MACC1: variants seen among roughly 807,000 people sequenced by gnomAD.
MACC1 encodes the protein metastasis-associated in colon cancer protein 1.
Under a neutral mutation model 70.7 loss-of-function variants are expected in MACC1, and 79 were observed. The observed-to-expected ratio is 1.12, with a 90% CI of 0.93 to 1.35. The LOEUF (loss-of-function observed/expected upper bound fraction) is 1.35, where lower values mean the gene tolerates loss of function less well. Ranked by LOEUF, MACC1 falls within the 40% of genes most tolerant of loss-of-function variation. The pLI, the probability that MACC1 is intolerant of heterozygous loss-of-function variation, is 0.00. For missense variants in MACC1, 1,106 were observed against 978.1 expected, an observed-to-expected ratio of 1.13 and a Z score of -1.74; for synonymous variants, 361 against 347.2, an observed-to-expected ratio of 1.04 and a Z score of -0.44.
chr7:20,189,253 A>T (rs1446598956), intron 1 of MACC1, among the ~76,000 whole-genome samples: 1 of 152,224 alleles, frequency 6.6e-6, no homozygotes, highest in Admixed American at 6.5e-5. Flanking sequence ...CACAAAATAC[A>T]ATATGCTATA....
rs957011153 is a variant in MACC1, at chr7:20,136,970, T to A, written c.*3976A>T. 2.0e-5 allele frequency: 3 copies of A among 148,860 alleles called. No homozygotes were observed. Among genetic ancestry groups the A allele is most frequent in the East Asian group, 3.9e-4 (2 of 5,166 alleles). The allele number at this position is 148,860 out of a possible 1,614,324, so 9.2% of individuals were successfully genotyped here. Reference sequence around the variant, plus strand: ...AATTCTTAAAGATTATGAATTATAATATTAAATTATAATTAATTCTTAAAG... The same window carrying A: ...AATTCTTAAAGATTATGAATTATAAAATTAAATTATAATTAATTCTTAAAG... On this transcript the variant is annotated 3_prime_UTR_variant, in exon 7 of 7. Transcript: ENST00000400331.
Position 20,158,321 on chromosome 7 carries a change from A to G in MACC1, c.2040T>C (p.Asp680=). Residue 680 remains aspartate, a synonymous_variant, in exon 5 of 7, where the codon GAT becomes GAC. Coordinates refer to ENST00000400331, the MANE Select transcript of MACC1 (RefSeq NM_182762.4). The stretch of plus-strand genomic sequence containing the variant: ...CTTTGTCTGCTTGAATTTGATCAAA[A>G]TCTTCCAGGGACAGATGTGAGTAAC... ...VLGYSHLSLE[D]FDQIQADKES... 3 of 1,613,790 alleles carry G rather than the reference A, an allele frequency of 1.9e-6. No homozygotes were observed. The highest frequency in any genetic ancestry group is 2.5e-6 in the Non-Finnish European group (3 of 1,179,968).
intron 1 of MACC1, among the ~76,000 whole-genome samples, chr7:20,207,925 G>A (rs1189626733): frequency 3.9e-5 from 6 of 152,298 alleles, no homozygotes; most frequent in Admixed American, 1.3e-4. Flanking sequence ...TGTCATGGGA[G>A]GGACCCTGTG....
intron 6 of MACC1, among the ~76,000 whole-genome samples, chr7:20,151,093 T>G (rs200224682): frequency 6.6e-6 from 1 of 150,934 alleles, no homozygotes; most frequent in East Asian, 1.9e-4. Context: ...AACTTTAGTG[T>G]CCTTGGTGAA....
At chr7:20,212,190 G>T (rs546482910) in intron 1 of MACC1, among the ~76,000 whole-genome samples, 19 of 152,300 alleles carry the variant, frequency 1.2e-4, no homozygotes, top group Non-Finnish European at 2.6e-4. Flanking sequence ...AAACTGGGAG[G>T]TGAGTACATA....
Position 20,159,175 on chromosome 7 carries a change from T to C in MACC1, c.1186A>G (p.Met396Val), listed in dbSNP as rs545673617. 139 of 1,614,096 alleles carry C rather than the reference T, an allele frequency of 8.6e-5. 2 individuals carry two copies. The South Asian group carries it at 1.4e-3, about 17-fold the overall frequency. Residue 396 changes from methionine to valine, a missense_variant, in exon 5 of 7, where the codon ATG (methionine) becomes GTG (valine). Transcript: ENST00000400331. ...VVLTVCGHNY[M>V]PGQLTISDIK... ...TCAGAAATTGTAAGCTGTCCTGGCA[T>C]ATAATTGTGTCCACAAACTGTTAAA...
At position 20,139,113 on chromosome 7, in the gene MACC1, A is replaced by G. The variant is rs1781760560; in HGVS notation, c.*1833T>C. 1 of 152,126 alleles carries G rather than the reference A, an allele frequency of 6.6e-6. No homozygotes were observed. The highest frequency in any genetic ancestry group is 2.4e-5 in the African/African-American group (1 of 41,416). The allele number at this position is 152,126 out of a possible 1,614,324, so 9.4% of individuals were successfully genotyped here. A position where few individuals can be genotyped will look rare whatever the true frequency, so the allele number is the denominator to read the frequency against. On this transcript the variant is annotated 3_prime_UTR_variant, in exon 7 of 7. Coordinates refer to ENST00000400331, the MANE Select transcript of MACC1 (RefSeq NM_182762.4). ...CTTTTATTCAGGTTCCCAAAACAAA[A>G]TCCTTCTTTGGCTTACCCACATTTC...
intron 1 of MACC1, among the ~76,000 whole-genome samples, chr7:20,189,051 G>A (rs186582547): frequency 1.3e-5 from 2 of 151,860 alleles, no homozygotes; most frequent in African/African-American, 4.8e-5. Context: ...TTGCCTTAGG[G>A]CCTTTATACT....
chr7:20,157,766 CAAAA>C (rs370288319), intron 5 of MACC1, among the ~76,000 whole-genome samples: 1 of 53,916 alleles, frequency 1.9e-5, no homozygotes. Context: ...GACTTTGTCT[CAAAA>C]AAAAAAAAAA....
At chr7:20,148,189 T>C (rs1781922594) in intron 6 of MACC1, among the ~76,000 whole-genome samples, 1 of 152,150 alleles carries the variant, frequency 6.6e-6, no homozygotes, top group East Asian at 1.9e-4. Context: ...GTGTACCCAA[T>C]GCTATAAAAG....
intron 6 of MACC1, among the ~76,000 whole-genome samples, chr7:20,150,095 G>A (rs145943162): frequency 8.6e-4 from 131 of 152,192 alleles, no homozygotes; most frequent in African/African-American, 2.2e-3. Flanking sequence ...ATGAACATTT[G>A]GTAAGTTACA....
In MACC1 at chr7:20,137,695, T is replaced by G. The variant is rs1047652509; in HGVS notation, c.*3251A>C. Reference sequence around the variant, plus strand: ...ATAAGTGCCTTATTATTTCATTGACTTACTGCCAAATATTGAAGGCAATTC... The same window carrying G: ...ATAAGTGCCTTATTATTTCATTGACGTACTGCCAAATATTGAAGGCAATTC... On this transcript the variant is annotated 3_prime_UTR_variant, in exon 7 of 7. Transcript: ENST00000400331. 6.6e-6 allele frequency: 1 copy of G among 152,220 alleles called. No individual in the cohort carries two copies. Among genetic ancestry groups the G allele is most frequent in the Admixed American group, 6.5e-5 (1 of 15,290 alleles). 9.4% of individuals were successfully genotyped at this position (152,220 alleles called of 1,614,324 possible). A position where few individuals can be genotyped will look rare whatever the true frequency, so the allele number is the denominator to read the frequency against.
chr7:20,188,051 G>A (rs1000867566), intron 1 of MACC1, among the ~76,000 whole-genome samples: 3 of 152,120 alleles, frequency 2.0e-5, no homozygotes, highest in African/African-American at 7.2e-5. Context: ...TAGCAGTAAG[G>A]AGAAGTGCCG....
At chr7:20,166,301 T>G (rs1428179188) in intron 2 of MACC1, among the ~76,000 whole-genome samples, 1 of 152,184 alleles carries the variant, frequency 6.6e-6, no homozygotes, top group Non-Finnish European at 1.5e-5. Flanking sequence ...ACCTGCCAAA[T>G]GCCAAACCTG....
chr7:20,149,405 A>G (rs911729702), intron 6 of MACC1, among the ~76,000 whole-genome samples: 4 of 152,302 alleles, frequency 2.6e-5, no homozygotes, highest in Admixed American at 1.3e-4. Flanking sequence ...AATATGCAAA[A>G]CATTGTCCCA....
intron 1 of MACC1, among the ~76,000 whole-genome samples, chr7:20,197,732 GC>G (rs1217137335): frequency 6.6e-6 from 1 of 152,140 alleles, no homozygotes; most frequent in African/African-American, 2.4e-5. Context: ...AGTTTAAGAA[GC>G]CCTATTTGAG....
rs565334502 is a variant in MACC1 at position 20,174,095 on chromosome 7, G to C, written c.-217-3317C>G. On this transcript the variant is annotated intron_variant, in intron 1 of 6. Transcript: ENST00000400331. ...TGATCTGAGGTTGCCTGAATCACAG[G>C]GACTTTCTCAATCCTCTTTGGACCC... Among the ~76,000 whole-genome samples the C allele has an allele frequency of 3.9e-5, 6 of 152,130 alleles. No individual in the cohort carries two copies. In the South Asian group the frequency reaches 1.2e-3, roughly 32 times the overall value.
chr7:20,168,221 C>T (rs984627593), intron 2 of MACC1, among the ~76,000 whole-genome samples: 2 of 148,434 alleles, frequency 1.3e-5, no homozygotes, highest in African/African-American at 5.0e-5. Context: ...TCAAATAACA[C>T]AATGAGTTTA....
rs915448830 is a variant in MACC1, at chr7:20,139,929, A to C, written c.*1017T>G. 1 of 152,096 alleles carries C rather than the reference A, an allele frequency of 6.6e-6. No individual in the cohort carries two copies. The highest frequency in any genetic ancestry group is 1.5e-5 in the Non-Finnish European group (1 of 68,004). The allele number at this position is 152,096 out of a possible 1,614,324, so 9.4% of individuals were successfully genotyped here. A position where few individuals can be genotyped will look rare whatever the true frequency, so the allele number is the denominator to read the frequency against. On this transcript the variant is annotated 3_prime_UTR_variant, in exon 7 of 7. Transcript: ENST00000400331. ...TCGGTGGTTAAGACCTCTCTACTCA[A>C]CAGGGTAATCAAGTTAATCAAGTTT...
Sources: gnomAD v4.1 joint callset for allele counts (sites outside exome capture counted in the v4.1 genomes callset) on GRCh38, gnomAD v4.1.1 for gene constraint, MANE v1.5 for transcripts, NCBI Gene and HGNC (gene_info 2026-07-23, HGNC 2026-07-21) for gene names.